The following NCBP3 variants were observed in gnomAD, a reference collection of about 807,000 sequenced individuals.
NCBP3 encodes the protein nuclear cap binding subunit 3, also known as nuclear cap-binding protein subunit 3.
In NCBP3, 20 loss-of-function variants were observed where a neutral mutation model predicts 75.7. That is an observed-to-expected ratio of 0.26 (90% CI 0.19 to 0.38). NCBP3 has a LOEUF of 0.38. NCBP3 is among the 10% of genes least tolerant of loss of function. NCBP3 has a pLI of 1.00. For synonymous variants in NCBP3, 293 were observed against 290.5 expected (o/e 1.01, Z -0.09); for missense variants, 678 against 796.9 (o/e 0.85, Z 1.80).
At chr17:3,815,811 G>A (rs2053520105) in intron 11 of NCBP3, among the ~76,000 whole-genome samples, 1 of 152,152 alleles carries the variant, frequency 6.6e-6, no homozygotes. Flanking sequence ...TTTATATAAG[G>A]GACTTAAGCA....
intron 3 of NCBP3, among the ~76,000 whole-genome samples, chr17:3,837,994 T>TAAA (rs1567594876): frequency 0.015 from 2,294 of 150,704 alleles, 49 homozygotes; most frequent in African/African-American, 0.054. Flanking sequence ...AAAAAAAAAT[T>TAAA]TTTTTAAATT....
chr17:3,830,483 A>T (rs1035647577), intron 3 of NCBP3, among the ~76,000 whole-genome samples: 2 of 152,224 alleles, frequency 1.3e-5, no homozygotes, highest in Non-Finnish European at 1.5e-5. Context: ...GTACACAGAC[A>T]CCCAGAAAAG....
rs556809397 is a variant in NCBP3, at chr17:3,810,827, C to T, written c.*2217G>A. ...TGCACACCACCTCCTTCCAGAATGG[C>T]TTCGCTGATCTGTAGCAGGAGACTG... is the stretch of plus-strand genomic sequence containing the variant. On this transcript the variant is annotated 3_prime_UTR_variant, in exon 13 of 13. Coordinates refer to ENST00000389005, the MANE Select transcript of NCBP3 (RefSeq NM_001114118.3). The T allele has an allele frequency of 6.6e-6, 1 of 152,390 alleles. No homozygotes were observed. Among genetic ancestry groups the T allele is most frequent in the South Asian group, 2.1e-4 (1 of 4,820 alleles). The allele number at this position is 152,390 out of a possible 1,614,324, so 9.4% of individuals were successfully genotyped here. A position where few individuals can be genotyped will look rare whatever the true frequency, so the allele number is the denominator to read the frequency against.
chr17:3,816,031 C>A, intron 11 of NCBP3, 85 bp downstream of exon 11: 1 of 1,340,962 alleles, frequency 7.5e-7, no homozygotes, highest in Non-Finnish European at 1.0e-6. Context: ...TCACACATCG[C>A]ATGTTTTACT....
At position 3,846,187 on chromosome 17, in the gene NCBP3, C is replaced by T. The variant is rs1431561051; in HGVS notation, c.37G>A (p.Ala13Thr). Residue 13 changes from alanine to threonine, a missense_variant, in exon 1 of 13, where the codon GCG becomes ACG. By Grantham distance (58) the Ala-to-Thr change is moderately conservative (BLOSUM62 0). Coordinates refer to ENST00000389005, the MANE Select transcript of NCBP3 (RefSeq NM_001114118.3). This position sits in a 1 kb window ranked among gnomAD's most constrained non-coding sequence, Gnocchi z 4.6. Reference protein sequence around the residue: ...AVRGLRVSVKAEAPAGPALGL... With the variant: ...AVRGLRVSVKTEAPAGPALGL... ...AGGGCCGGCCCCGCCGGGGCCTCCG[C>T]CTTCACCGACACCCGCAGGCCCCGT... is the stretch of plus-strand genomic sequence containing the variant. 4 of 1,513,064 alleles carry T rather than the reference C, an allele frequency of 2.6e-6. No homozygotes were observed. The highest frequency in any genetic ancestry group is 5.4e-5 in the East Asian group (2 of 36,792). The allele number at this position is 1,513,064 out of a possible 1,614,324, so 93.7% of individuals were successfully genotyped here. A position where few individuals can be genotyped will look rare whatever the true frequency, so the allele number is the denominator to read the frequency against.
intron 6 of NCBP3, 131 bp from the exon 7 acceptor site, chr17:3,825,181 G>C: frequency 1.9e-6 from 1 of 531,452 alleles, no homozygotes; most frequent in East Asian, 3.2e-5. Context: ...TTCCGCTGTA[G>C]AATTTCTAAC....
At chr17:3,830,269 G>A (rs973098428) in intron 3 of NCBP3, among the ~76,000 whole-genome samples, 1 of 152,098 alleles carries the variant, frequency 6.6e-6, no homozygotes, top group African/African-American at 2.4e-5. Flanking sequence ...GCTAAGGCAC[G>A]ATTTCTAATA....
intron 3 of NCBP3, among the ~76,000 whole-genome samples, chr17:3,838,846 T>C (rs2054019185): frequency 6.6e-6 from 1 of 152,240 alleles, no homozygotes; most frequent in Non-Finnish European, 1.5e-5. Context: ...TTAACGAGTC[T>C]AGTAAAAAAG....
chr17:3,818,541 T>C lies in NCBP3; in HGVS notation c.1032A>G (p.Glu344=). Residue 344 remains glutamate (E), a synonymous_variant, in exon 10 of 13, where the codon GAA becomes GAG. Coordinates refer to ENST00000389005, the MANE Select transcript of NCBP3 (RefSeq NM_001114118.3). The surrounding 1 kb of genome is among the most constrained non-coding windows in gnomAD (Gnocchi z 4.7). ...GLVNVPEEPI[E]EEEEEEEEEE... ...CCTCCTCCTCCTCCTCTTCCTCCTCTTCAATGGGTTCCTCGGGAACATTCA... is the reference window on the plus strand; with the variant it reads ...CCTCCTCCTCCTCCTCTTCCTCCTCCTCAATGGGTTCCTCGGGAACATTCA... 2 of 1,609,684 alleles carry C rather than the reference T, an allele frequency of 1.2e-6. No homozygotes were observed.
chr17:3,814,456 G>C lies in NCBP3; in HGVS notation c.1493C>G (p.Pro498Arg). ...ACTAAAAGCCTTTTCCGGAGAATGT[G>C]GTCTTTTTCCTAACCGCTGGCGTAT... ...SDIRQRLGKR[P>R]HSPEKAFSSN... Residue 498 changes from proline (P) to arginine (R), a missense_variant, in exon 12 of 13, where the codon CCA becomes CGA. By Grantham distance (103) the Pro-to-Arg change is moderately radical. Around this residue, in one of 7 missense-constraint regions of NCBP3, gnomAD observed 365 missense variants for 392.7 expected, o/e 0.93. Transcript: ENST00000389005. The C allele has an allele frequency of 6.2e-7, 1 of 1,614,178 alleles. No individual in the cohort carries two copies. The highest frequency in any genetic ancestry group is 8.5e-7 in the Non-Finnish European group (1 of 1,180,032).
At chr17:3,841,707 C>T (rs1279172877) in intron 2 of NCBP3, among the ~76,000 whole-genome samples, 1 of 149,018 alleles carries the variant, frequency 6.7e-6, no homozygotes, top group Non-Finnish European at 1.5e-5. Flanking sequence ...ATAGCATCCA[C>T]CTGTAGTCCC....
In NCBP3 at chr17:3,805,495, A is replaced by AC. The variant is rs1355341047; in HGVS notation, c.*7548dup. The AC allele has an allele frequency of 1.3e-5, 2 of 152,268 alleles. No homozygotes were observed. Among genetic ancestry groups the AC allele is most frequent in the Non-Finnish European group, 2.9e-5 (2 of 68,064 alleles). The allele number at this position is 152,268 out of a possible 1,614,324, so 9.4% of individuals were successfully genotyped here. ...GGCCTTACAAGAGCCATGTGCAGGCACCAAGAAAAGCCTACGTGAATAAGA... is the reference window on the plus strand; with the variant it reads ...GGCCTTACAAGAGCCATGTGCAGGCACCCAAGAAAAGCCTACGTGAATAAGA... On this transcript the variant is annotated 3_prime_UTR_variant, in exon 13 of 13. Coordinates refer to ENST00000389005, the MANE Select transcript of NCBP3 (RefSeq NM_001114118.3).
At chr17:3,833,872 T>G (rs2053929865) in intron 3 of NCBP3, among the ~76,000 whole-genome samples, 1 of 152,192 alleles carries the variant, frequency 6.6e-6, no homozygotes. Context: ...CCCTAATGTT[T>G]TCTCCCTAAT....
At chr17:3,842,964 A>G (rs958545806) in intron 2 of NCBP3, 122 bp downstream of exon 2, 11 of 920,092 alleles carry the variant, frequency 1.2e-5, no homozygotes, top group African/African-American at 3.4e-5. Flanking sequence ...TTTTTTTTAG[A>G]AAAAAAATTT....
At position 3,818,182 on chromosome 17, in the gene NCBP3, T is replaced by C; in HGVS notation, c.1310+81A>G. On this transcript the variant is annotated intron_variant, in intron 10 of 12. Transcript: ENST00000389005. The surrounding 1 kb of genome is among the most constrained non-coding windows in gnomAD (Gnocchi z 4.7). ...TGAAATCAGAATAGATAAAAGATAT[T>C]ATAAAATTAGGAGGAATTAAGAAGT... The C allele has an allele frequency of 1.9e-6, 2 of 1,078,784 alleles. No individual in the cohort carries two copies. The highest frequency in any genetic ancestry group is 1.7e-5 in the South Asian group (1 of 59,046). The allele number at this position is 1,078,784 out of a possible 1,614,324, so 66.8% of individuals were successfully genotyped here.
rs981067587 is a variant in NCBP3 at position 3,805,965 on chromosome 17, A to C, written c.*7079T>G. ...TCCTATTTGACTTTCCCCAACAGGC[A>C]TTCTACCTCAGCTAAAGATGCTGCC... On this transcript the variant is annotated 3_prime_UTR_variant, in exon 13 of 13. Coordinates refer to ENST00000389005, the MANE Select transcript of NCBP3 (RefSeq NM_001114118.3). The C allele has an allele frequency of 1.3e-5, 2 of 152,374 alleles. No individual in the cohort carries two copies. The highest frequency in any genetic ancestry group is 4.8e-5 in the African/African-American group (2 of 41,470). The allele number at this position is 152,374 out of a possible 1,614,324, so 9.4% of individuals were successfully genotyped here. A position where few individuals can be genotyped will look rare whatever the true frequency, so the allele number is the denominator to read the frequency against.
intron 11 of NCBP3, among the ~76,000 whole-genome samples, chr17:3,815,634 G>C (rs138981344): frequency 6.6e-6 from 1 of 152,054 alleles, no homozygotes; most frequent in African/African-American, 2.4e-5. Flanking sequence ...ACTGCTGATC[G>C]AATACATGTG....
At position 3,803,539 on chromosome 17, in the gene NCBP3, C is replaced by A. The variant is rs369108310; in HGVS notation, c.*9505G>T. ...GGGAAATGTTCACTAAAACATCTTA[C>A]GGATAAACGAGCATGATGTATACAA... On this transcript the variant is annotated 3_prime_UTR_variant, in exon 13 of 13. Transcript: ENST00000389005. 1 of 152,100 alleles carries A rather than the reference C, an allele frequency of 6.6e-6. No homozygotes were observed. 9.4% of individuals were successfully genotyped at this position (152,100 alleles called of 1,614,324 possible).
In NCBP3 at chr17:3,808,358, A is replaced by T. The variant is rs2053358362; in HGVS notation, c.*4686T>A. 1 of 152,208 alleles carries T rather than the reference A, an allele frequency of 6.6e-6. No individual in the cohort carries two copies. Among genetic ancestry groups the T allele is most frequent in the Admixed American group, 6.5e-5 (1 of 15,282 alleles). 9.4% of individuals were successfully genotyped at this position (152,208 alleles called of 1,614,324 possible). On this transcript the variant is annotated 3_prime_UTR_variant, in exon 13 of 13. Coordinates refer to ENST00000389005, the MANE Select transcript of NCBP3 (RefSeq NM_001114118.3). ...CTAAGAGGAATTTTAATTACACTCCATTTTTATCTTAGGCACTGACCTTAG... is the reference window on the plus strand; with the variant it reads ...CTAAGAGGAATTTTAATTACACTCCTTTTTTATCTTAGGCACTGACCTTAG...
Sources: allele counts gnomAD v4.1 joint callset (sites outside exome capture counted in the v4.1 genomes callset), GRCh38; gene constraint gnomAD v4.1.1; regional missense constraint gnomAD v4.1.1; non-coding constraint Gnocchi (gnomAD v3.1); transcripts MANE v1.5; gene names NCBI Gene and HGNC (gene_info 2026-07-23, HGNC 2026-07-21).